ADIPOQ: variants seen among roughly 807,000 people sequenced by gnomAD.
The protein encoded by ADIPOQ is adiponectin.
Under a neutral mutation model 16.1 loss-of-function variants are expected in ADIPOQ, and 19 were observed. The observed-to-expected ratio is 1.18, with a 90% CI of 0.82 to 1.73. ADIPOQ has a LOEUF of 1.73. Among genes scored for constraint, ADIPOQ ranks in the 40% most tolerant of loss-of-function variants. The pLI is 0.00. For synonymous variants in ADIPOQ, 124 were observed against 125.5 expected, an observed-to-expected ratio of 0.99 and a Z score of 0.08; for missense variants, 323 against 308.3, an observed-to-expected ratio of 1.05 and a Z score of -0.36.
Position 186,853,151 on chromosome 3 carries a change from G to T in ADIPOQ, c.93G>T (p.Leu31=), listed in dbSNP as rs778764974. 1.9e-6 allele frequency: 3 copies of T among 1,614,188 alleles called. No individual in the cohort carries two copies. The highest frequency in any genetic ancestry group is 2.5e-6 in the Non-Finnish European group (3 of 1,180,024). ...AAGGGCCCGGAGTCCTGCTTCCCCT[G>T]CCCAAGGGGGCCTGCACAGGTTGGA... ...TTQGPGVLLP[L]PKGACTGWMA... Residue 31 remains leucine (L), a synonymous_variant, in exon 2 of 3, where the codon CTG becomes CTT. Transcript: ENST00000320741.
chr3:186,847,785 G>A (rs1036876147), intron 1 of ADIPOQ, among the ~76,000 whole-genome samples: 1 of 152,198 alleles, frequency 6.6e-6, no homozygotes, highest in Non-Finnish European at 1.5e-5. Flanking sequence ...GATTTAGCTT[G>A]TTGATCCTTG....
chr3:186,849,566 T>G (rs1408817668), intron 1 of ADIPOQ, among the ~76,000 whole-genome samples: 2 of 152,144 alleles, frequency 1.3e-5, no homozygotes, highest in East Asian at 3.8e-4. Context: ...GCGACAAATG[T>G]ACATATAAAT....
In ADIPOQ at chr3:186,854,604, G is replaced by C; in HGVS notation, c.635G>C (p.Trp212Ser). 1 of 1,614,122 alleles carries C rather than the reference G, an allele frequency of 6.2e-7. No individual in the cohort carries two copies. ...CATCTGGAGGTGGGCGACCAAGTCT[G>C]GCTCCAGGTGTATGGGGAAGGAGAG... ...LLHLEVGDQV[W>S]LQVYGEGERN... The change falls in exon 3 of 3, where the codon TGG becomes TCG. Residue 212 changes from tryptophan (W) to serine (S), a missense_variant. By Grantham distance (177) the Trp-to-Ser change is radical. Coordinates refer to ENST00000320741, the MANE Select transcript of ADIPOQ (RefSeq NM_004797.4).
At position 186,857,079 on chromosome 3, in the gene ADIPOQ, CG is replaced by C. The variant is rs1355455865; in HGVS notation, c.*2376del. ...AAAAGACTGTGGCCTGCCCAGCTCT[CG>C]TATCCCCAAGCCACACCATCTGGCT... On this transcript the variant is annotated 3_prime_UTR_variant, in exon 3 of 3. Transcript: ENST00000320741. 3 of 152,200 alleles carry C rather than the reference CG, an allele frequency of 2.0e-5. No homozygotes were observed. The highest frequency in any genetic ancestry group is 7.2e-5 in the African/African-American group (3 of 41,442). 9.4% of individuals were successfully genotyped at this position (152,200 alleles called of 1,614,324 possible).
At position 186,858,305 on chromosome 3, in the gene ADIPOQ, T is replaced by G. The variant is rs1712087921; in HGVS notation, c.*3601T>G. ...TGATTAGTGTTTTTGTGGTATATCT[T>G]TTTCCATCATGTTACTTTAAATATA... On this transcript the variant is annotated 3_prime_UTR_variant, in exon 3 of 3. Coordinates refer to ENST00000320741, the MANE Select transcript of ADIPOQ (RefSeq NM_004797.4). 6.6e-6 allele frequency: 1 copy of G among 151,658 alleles called. No homozygotes were observed. Among genetic ancestry groups the G allele is most frequent in the Non-Finnish European group, 1.5e-5 (1 of 67,844 alleles). The allele number at this position is 151,658 out of a possible 1,614,324, so 9.4% of individuals were successfully genotyped here.
chr3:186,855,354 C>T lies in ADIPOQ; in HGVS notation c.*650C>T, dbSNP rs201268142. The T allele has an allele frequency of 6.5e-6, 1 of 154,012 alleles. No homozygotes were observed. The highest frequency in any genetic ancestry group is 1.4e-5 in the Non-Finnish European group (1 of 69,412). The allele number at this position is 154,012 out of a possible 1,614,324, so 9.5% of individuals were successfully genotyped here. ...ACTTCCTCTTACCTATGTCCCTTCT[C>T]ATGCCTTTCCCTCCAACGGGGAAAG... On this transcript the variant is annotated 3_prime_UTR_variant, in exon 3 of 3. Coordinates refer to ENST00000320741, the MANE Select transcript of ADIPOQ (RefSeq NM_004797.4).
chr3:186,843,647 C>T lies in ADIPOQ; in HGVS notation c.-9+898C>T, dbSNP rs1328339830. Among the ~76,000 whole-genome samples, 11 of 109,510 alleles carry T rather than the reference C, an allele frequency of 1.0e-4. No individual in the cohort carries two copies. In the South Asian group the frequency reaches 1.4e-3, roughly 14 times the overall value. The allele number at this position is 109,510 out of a possible 152,430, so 71.8% of individuals were successfully genotyped here. A position where few individuals can be genotyped will look rare whatever the true frequency, so the allele number is the denominator to read the frequency against. ...CTGCATTCCAGCCTGGGTGACAGAG[C>T]GAGACTTTGTGTCAAAAAAAAAAAA... On this transcript the variant is annotated intron_variant, in intron 1 of 2. Transcript: ENST00000320741.
intron 2 of ADIPOQ, 127 bp downstream of exon 2, chr3:186,853,399 C>T (rs945811073): frequency 2.5e-6 from 3 of 1,215,912 alleles, no homozygotes; most frequent in East Asian, 2.5e-5. Context: ...TAACCATAAG[C>T]AACCTGAAGT....
intron 1 of ADIPOQ, chr3:186,851,854 A>T (rs1316408413): frequency 6.9e-6 from 1 of 144,502 alleles, no homozygotes; most frequent in African/African-American, 2.6e-5. Flanking sequence ...CCATTCTCAC[A>T]CTGCTGTAAA....
In ADIPOQ at chr3:186,858,255, C is replaced by T. The variant is rs1171965433; in HGVS notation, c.*3551C>T. 3 of 152,148 alleles carry T rather than the reference C, an allele frequency of 2.0e-5. No individual in the cohort carries two copies. In the East Asian group the frequency reaches 5.8e-4, roughly 29 times the overall value. 9.4% of individuals were successfully genotyped at this position (152,148 alleles called of 1,614,324 possible). On this transcript the variant is annotated 3_prime_UTR_variant, in exon 3 of 3. Transcript: ENST00000320741. ...AAAGTGCTGGGATTACAGGCATGAG[C>T]CATCACACCTGGTCAACTTTCTTTT...
intron 1 of ADIPOQ, among the ~76,000 whole-genome samples, chr3:186,848,269 GGAAA>G (rs1283871915): frequency 1.7e-5 from 2 of 114,930 alleles, no homozygotes; most frequent in East Asian, 2.5e-4. Flanking sequence ...AAGGAAGGAA[GGAAA>G]GAAGGAAGGA....
chr3:186,846,130 A>G (rs1711570890), intron 1 of ADIPOQ, among the ~76,000 whole-genome samples: 1 of 152,170 alleles, frequency 6.6e-6, no homozygotes, highest in African/African-American at 2.4e-5. Flanking sequence ...ACTGGCTTCT[A>G]TAAGGTTCTA....
chr3:186,845,368 A>T (rs1236875355), intron 1 of ADIPOQ, among the ~76,000 whole-genome samples: 1 of 151,760 alleles, frequency 6.6e-6, no homozygotes, highest in Non-Finnish European at 1.5e-5. Context: ...ACTTTTATTT[A>T]TTTTTATTTT....
intron 1 of ADIPOQ, among the ~76,000 whole-genome samples, chr3:186,845,059 A>AGT (rs764895285): frequency 7.3e-5 from 11 of 150,568 alleles, no homozygotes; most frequent in East Asian, 2.0e-4. Context: ...TATGTGTGTG[A>AGT]GTGTGTGTGT....
intron 1 of ADIPOQ, among the ~76,000 whole-genome samples, chr3:186,845,329 G>C (rs779068523): frequency 6.6e-6 from 1 of 152,024 alleles, no homozygotes; most frequent in Non-Finnish European, 1.5e-5. Context: ...GGGTTGCACC[G>C]TGTGAAACTG....
At position 186,854,446 on chromosome 3, in the gene ADIPOQ, C is replaced by A; in HGVS notation, c.477C>A (p.Tyr159Ter). 1 of 1,614,222 alleles carries A rather than the reference C, an allele frequency of 6.2e-7. No individual in the cohort carries two copies. Among genetic ancestry groups the A allele is most frequent in the Middle Eastern group, 1.6e-4 (1 of 6,062 alleles). ...ACTGCAACATTCCTGGGCTGTACTA[C>A]TTTGCCTACCACATCACAGTCTATA... ...KFHCNIPGLYYFAYHITVYMK... is the reference protein window; with the variant it reads ...KFHCNIPGLY The change falls in exon 3 of 3, where the codon TAC becomes TAA. Residue 159 changes from tyrosine to a stop codon, truncating the protein, a stop_gained. Coordinates refer to ENST00000320741, the MANE Select transcript of ADIPOQ (RefSeq NM_004797.4). LOFTEE classifies it high-confidence loss of function.
At chr3:186,853,619 T>A (rs1484798349) in intron 2 of ADIPOQ, among the ~76,000 whole-genome samples, 1 of 152,180 alleles carries the variant, frequency 6.6e-6, no homozygotes, top group Non-Finnish European at 1.5e-5. Context: ...GCACACCCCC[T>A]GAAAGGCTCA....
At chr3:186,844,695 A>G (rs952035330) in intron 1 of ADIPOQ, among the ~76,000 whole-genome samples, 7 of 151,946 alleles carry the variant, frequency 4.6e-5, no homozygotes, top group African/African-American at 1.7e-4. Context: ...AGGTGTGTGC[A>G]ACCATGCCTG....
At position 186,857,361 on chromosome 3, in the gene ADIPOQ, C is replaced by G. The variant is rs201660971; in HGVS notation, c.*2657C>G. Reference sequence around the variant, plus strand: ...GAAATAGGAGAGTGGATGATAGATGCAAAATAATACCTGTCCACAACAAAC... The same window carrying G: ...GAAATAGGAGAGTGGATGATAGATGGAAAATAATACCTGTCCACAACAAAC... On this transcript the variant is annotated 3_prime_UTR_variant, in exon 3 of 3. Coordinates refer to ENST00000320741, the MANE Select transcript of ADIPOQ (RefSeq NM_004797.4). 45 of 152,270 alleles carry G rather than the reference C, an allele frequency of 3.0e-4. No individual in the cohort carries two copies. The highest frequency in any genetic ancestry group is 1.1e-3 in the African/African-American group (45 of 41,536). 9.4% of individuals were successfully genotyped at this position (152,270 alleles called of 1,614,324 possible). A position where few individuals can be genotyped will look rare whatever the true frequency, so the allele number is the denominator to read the frequency against.
Sources: gnomAD v4.1 joint callset for allele counts (sites outside exome capture counted in the v4.1 genomes callset) on GRCh38, gnomAD v4.1.1 for gene constraint, MANE v1.5 for transcripts, NCBI Gene and HGNC (gene_info 2026-07-23, HGNC 2026-07-21) for gene names.